ACTR3C: variants seen among roughly 807,000 people sequenced by gnomAD.
ACTR3C encodes actin-related protein 3C.
Under a neutral mutation model 26.3 loss-of-function variants are expected in ACTR3C, and 18 were observed. The observed-to-expected ratio is 0.68, with a 90% CI of 0.47 to 1.01. The LOEUF (loss-of-function observed/expected upper bound fraction) is 1.01, where lower values mean the gene tolerates loss of function less well. Among genes scored for constraint, ACTR3C ranks in the 50% least tolerant of loss-of-function variants. ACTR3C has a pLI of 0.00. For synonymous variants in ACTR3C, 55 were observed against 94.5 expected (o/e 0.58, Z 2.42); for missense variants, 184 against 250.7 (o/e 0.73, Z 1.80).
chr7:150,289,712 T>C lies in ACTR3C; in HGVS notation c.154-119A>G, dbSNP rs1584938806. ...CTGCCCCTCACGGCACTGACAAGCA[T>C]TGACAGAATCCCCACCCTCTGCAAG... On this transcript the variant is annotated intron_variant, in intron 3 of 7. Transcript: ENST00000683684. The C allele has an allele frequency of 4.0e-5, 61 of 1,525,452 alleles. 1 individual carries two copies. In the South Asian group the frequency reaches 7.7e-4, roughly 19 times the overall value. The allele number at this position is 1,525,452 out of a possible 1,614,324, so 94.5% of individuals were successfully genotyped here. A position where few individuals can be genotyped will look rare whatever the true frequency, so the allele number is the denominator to read the frequency against.
chr7:150,121,318 T>C, the ACTR3C span, among the ~76,000 whole-genome samples: 2 of 152,228 alleles, frequency 1.3e-5, no homozygotes, highest in Non-Finnish European at 2.9e-5. Context: ...CATGACTGTA[T>C]ATTTAGAAAA....
the ACTR3C span, among the ~76,000 whole-genome samples, chr7:150,121,036 C>T: frequency 6.6e-6 from 1 of 152,128 alleles, no homozygotes; most frequent in East Asian, 1.9e-4. Context: ...ATTCAACACC[C>T]CCTCATGCTA....
the ACTR3C span, among the ~76,000 whole-genome samples, chr7:149,967,196 G>C: frequency 6.6e-6 from 1 of 151,682 alleles, no homozygotes; most frequent in African/African-American, 2.4e-5. Context: ...CACCACGCCC[G>C]GCTAATTTTT....
the ACTR3C span, among the ~76,000 whole-genome samples, chr7:150,049,369 G>T: frequency 6.6e-6 from 1 of 152,160 alleles, no homozygotes; most frequent in Non-Finnish European, 1.5e-5. Flanking sequence ...TCCAGAGAGC[G>T]AACGTGGGCC....
chr7:149,903,740 C>T, the ACTR3C span, among the ~76,000 whole-genome samples: 8 of 150,448 alleles, frequency 5.3e-5, no homozygotes, highest in African/African-American at 2.0e-4. Context: ...GACAGGGTCT[C>T]ACTATGTTGC....
At chr7:149,973,119 A>G in the ACTR3C span, among the ~76,000 whole-genome samples, 788 of 117,480 alleles carry the variant, frequency 6.7e-3, no homozygotes, top group South Asian at 8.0e-3. Flanking sequence ...GGTAAGCCCC[A>G]TGAGCGAGCG....
chr7:150,185,777 G>T, the ACTR3C span, among the ~76,000 whole-genome samples: 3 of 152,080 alleles, frequency 2.0e-5, no homozygotes, highest in Non-Finnish European at 2.9e-5. Flanking sequence ...GATCTGGAAA[G>T]AAGAGAACAG....
the ACTR3C span, among the ~76,000 whole-genome samples, chr7:149,978,272 T>A: frequency 1.3e-5 from 2 of 152,082 alleles, no homozygotes; most frequent in Non-Finnish European, 2.9e-5. Context: ...TCCCTTTCAT[T>A]CAGGGCAGGG....
chr7:150,036,048 G>A, the ACTR3C span, among the ~76,000 whole-genome samples: 1 of 124,212 alleles, frequency 8.1e-6, no homozygotes, highest in Non-Finnish European at 1.8e-5. Context: ...GGGAAGAGGG[G>A]CTCGCTCTCA....
the ACTR3C span, among the ~76,000 whole-genome samples, chr7:150,232,938 C>T: frequency 6.6e-6 from 1 of 152,136 alleles, no homozygotes; most frequent in African/African-American, 2.4e-5. Context: ...CTGTCATTCA[C>T]TTCACTAATC....
chr7:150,085,380 G>A, the ACTR3C span, among the ~76,000 whole-genome samples: 1 of 152,098 alleles, frequency 6.6e-6, no homozygotes, highest in Non-Finnish European at 1.5e-5. Flanking sequence ...ACCGGTTGAG[G>A]AAATGGAAAA....
chr7:150,131,249 C>A, the ACTR3C span, among the ~76,000 whole-genome samples: 1 of 151,690 alleles, frequency 6.6e-6, no homozygotes, highest in African/African-American at 2.4e-5. Context: ...GTCCAGTCAC[C>A]AAGGTATCCT....
At chr7:150,031,534 T>G in the ACTR3C span, among the ~76,000 whole-genome samples, 2 of 152,116 alleles carry the variant, frequency 1.3e-5, no homozygotes, top group African/African-American at 2.4e-5. Flanking sequence ...GAAAACCCAG[T>G]CCCTGAGTAA....
At chr7:150,234,528 G>A in the ACTR3C span, among the ~76,000 whole-genome samples, 1 of 152,162 alleles carries the variant, frequency 6.6e-6, no homozygotes, top group Non-Finnish European at 1.5e-5. Flanking sequence ...GATTCCAAGA[G>A]TGTGACCCCA....
At chr7:150,167,609 G>C in the ACTR3C span, among the ~76,000 whole-genome samples, 1 of 150,778 alleles carries the variant, frequency 6.6e-6, no homozygotes, top group Non-Finnish European at 1.5e-5. Context: ...ACATGGATGA[G>C]AAGTTTAAAC....
the ACTR3C span, among the ~76,000 whole-genome samples, chr7:150,196,521 T>C: frequency 6.6e-6 from 1 of 152,232 alleles, no homozygotes; most frequent in Non-Finnish European, 1.5e-5. Flanking sequence ...GCCTGTAACA[T>C]AGTCATAGTT....
At chr7:150,262,749 T>C (rs1399853287) in intron 6 of ACTR3C, among the ~76,000 whole-genome samples, 2 of 152,234 alleles carry the variant, frequency 1.3e-5, no homozygotes, top group African/African-American at 4.8e-5. Context: ...TACAAAATAA[T>C]AATAAATGGA....
the ACTR3C span, among the ~76,000 whole-genome samples, chr7:150,090,157 C>A: frequency 2.0e-5 from 3 of 152,136 alleles, no homozygotes; most frequent in Admixed American, 1.3e-4. Context: ...CTCATTAATT[C>A]ATGAGAAAGC....
the ACTR3C span, among the ~76,000 whole-genome samples, chr7:149,990,031 C>T: frequency 6.6e-6 from 1 of 152,244 alleles, no homozygotes; most frequent in East Asian, 1.9e-4. Flanking sequence ...TGCTCCTTCC[C>T]TCACTTCCGG....
Sources: gnomAD v4.1 joint callset for allele counts (sites outside exome capture counted in the v4.1 genomes callset) on GRCh38, gnomAD v4.1.1 for gene constraint, MANE v1.5 for transcripts, NCBI Gene and HGNC (gene_info 2026-07-23, HGNC 2026-07-21) for gene names.